Variants in GATAD2A observed in about 807,000 individuals in gnomAD.
GATAD2A encodes transcriptional repressor p66-alpha.
In GATAD2A, 12 loss-of-function variants were observed where a neutral mutation model predicts 68.5. The ratio of observed to expected loss-of-function variants is 0.18; its 90% CI spans 0.11 to 0.28. GATAD2A has a LOEUF of 0.28. GATAD2A is among the 10% of genes least tolerant of loss of function. The pLI is 1.00. For synonymous variants in GATAD2A, 410 were observed against 375.3 expected (o/e 1.09, Z -1.07); for missense variants, 755 against 868.5 (o/e 0.87, Z 1.64).
chr19:19,386,387 C>T (rs1056827997), intron 1 of GATAD2A, among the ~76,000 whole-genome samples: 12 of 151,644 alleles, frequency 7.9e-5, no homozygotes, highest in African/African-American at 2.9e-4. Flanking sequence ...GGGCCTCCCT[C>T]CTCTCCAGGA....
rs575180441 is a variant in GATAD2A, at chr19:19,431,083, A to C, written c.-7+25064A>C. Reference sequence around the variant, plus strand: ...TATCAAGGGAGCGGAAGAGTCTCTTATGAGCTGGTAATTGTGCACTTAAGG... The same window carrying C: ...TATCAAGGGAGCGGAAGAGTCTCTTCTGAGCTGGTAATTGTGCACTTAAGG... On this transcript the variant is annotated intron_variant, in intron 1 of 11. Coordinates refer to ENST00000683918, the MANE Select transcript of GATAD2A (RefSeq NM_001384528.1). Among the ~76,000 whole-genome samples the C allele has an allele frequency of 4.6e-5, 7 of 151,376 alleles. No individual in the cohort carries two copies. The South Asian group carries it at 6.3e-4, about 14-fold the overall frequency.
At chr19:19,472,094 A>G (rs1363688771) in intron 2 of GATAD2A, among the ~76,000 whole-genome samples, 1 of 152,082 alleles carries the variant, frequency 6.6e-6, no homozygotes, top group Non-Finnish European at 1.5e-5. Flanking sequence ...GATGGGGTTT[A>G]TTATGTTCCC....
At chr19:19,483,548 G>A (rs2059202388) in intron 2 of GATAD2A, among the ~76,000 whole-genome samples, 1 of 152,134 alleles carries the variant, frequency 6.6e-6, no homozygotes, top group Admixed American at 6.5e-5. Context: ...CTGGCGAGAA[G>A]CAGGTGGGCC....
At position 19,471,595 on chromosome 19, in the gene GATAD2A, G is replaced by C. The variant is rs150938498; in HGVS notation, c.269+5981G>C. On this transcript the variant is annotated intron_variant, in intron 2 of 11. Coordinates refer to ENST00000683918, the MANE Select transcript of GATAD2A (RefSeq NM_001384528.1). The stretch of plus-strand genomic sequence containing the variant: ...GGAAATATTTTAAAATTGTATCGTG[G>C]TGATGATTGCACAAATTTACTGAAA... Among the ~76,000 whole-genome samples, 800 of 152,308 alleles carry C rather than the reference G, an allele frequency of 5.3e-3. 6 individuals are homozygous for C. Among genetic ancestry groups the C allele is most frequent in the South Asian group, 0.041 (196 of 4,818 alleles).
At chr19:19,412,956 G>A (rs1267831818) in intron 1 of GATAD2A, among the ~76,000 whole-genome samples, 2 of 152,176 alleles carry the variant, frequency 1.3e-5, no homozygotes, top group African/African-American at 4.8e-5. Flanking sequence ...CCTTTGATTT[G>A]TAACAGTTTC....
At chr19:19,449,106 T>C (rs546406977) in intron 1 of GATAD2A, among the ~76,000 whole-genome samples, 2 of 152,248 alleles carry the variant, frequency 1.3e-5, no homozygotes, top group South Asian at 2.1e-4. Flanking sequence ...CCAGTTTTTT[T>C]CCCCCAGATG....
chr19:19,446,227 G>A (rs1476255502), intron 1 of GATAD2A, among the ~76,000 whole-genome samples: 1 of 152,194 alleles, frequency 6.6e-6, no homozygotes, highest in East Asian at 1.9e-4. Context: ...ATCCTAGTGG[G>A]TGTGAAGCGG....
intron 1 of GATAD2A, among the ~76,000 whole-genome samples, chr19:19,420,309 C>T (rs866896130): frequency 3.5e-5 from 5 of 143,174 alleles, no homozygotes; most frequent in Admixed American, 7.1e-5. Context: ...AGGCGAGAGC[C>T]GTCGCGCCCA....
chr19:19,468,039 T>C (rs947224162), intron 2 of GATAD2A, among the ~76,000 whole-genome samples: 3 of 152,210 alleles, frequency 2.0e-5, no homozygotes, highest in African/African-American at 7.2e-5. Context: ...ATTGGCAGAA[T>C]TGACAAAAGC....
chr19:19,463,481 G>A (rs1174457285), intron 1 of GATAD2A, among the ~76,000 whole-genome samples: 1 of 152,122 alleles, frequency 6.6e-6, no homozygotes, highest in African/African-American at 2.4e-5. Flanking sequence ...CCATTCCACG[G>A]AGGAGCTGAG....
intron 1 of GATAD2A, among the ~76,000 whole-genome samples, chr19:19,417,486 T>C (rs1273738735): frequency 6.6e-6 from 1 of 152,184 alleles, no homozygotes; most frequent in African/African-American, 2.4e-5. Flanking sequence ...AAGGGGTTCC[T>C]CTGCACGCTG....
chr19:19,455,398 G>C (rs2056833858), intron 1 of GATAD2A, among the ~76,000 whole-genome samples: 1 of 152,132 alleles, frequency 6.6e-6, no homozygotes. Flanking sequence ...GCCGAGGCAG[G>C]AGAATTGCTT....
At chr19:19,388,469 C>CT (rs1238146381) in intron 1 of GATAD2A, among the ~76,000 whole-genome samples, 3 of 152,048 alleles carry the variant, frequency 2.0e-5, no homozygotes, top group Admixed American at 6.6e-5. Context: ...ATTCTCTGGA[C>CT]TTTTATTTCG....
intron 1 of GATAD2A, among the ~76,000 whole-genome samples, chr19:19,462,067 A>AG (rs2057479073): frequency 6.6e-6 from 1 of 152,242 alleles, no homozygotes; most frequent in Non-Finnish European, 1.5e-5. Context: ...TTTGCCAGTC[A>AG]GGGTGACCTA....
intron 2 of GATAD2A, among the ~76,000 whole-genome samples, chr19:19,477,911 C>G (rs1405192266): frequency 6.6e-6 from 1 of 152,176 alleles, no homozygotes; most frequent in Non-Finnish European, 1.5e-5. Context: ...GATCCACAGC[C>G]ATAGGGCGTC....
chr19:19,492,793 A>G, intron 4 of GATAD2A, 81 bp downstream of exon 4: 2 of 1,463,546 alleles, frequency 1.4e-6, no homozygotes, highest in South Asian at 1.2e-5. Flanking sequence ...GTCAGCGGCC[A>G]GAAAGGTGAA....
chr19:19,468,190 C>T (rs78054227), intron 2 of GATAD2A, among the ~76,000 whole-genome samples: 4,024 of 152,324 alleles, frequency 0.026, 190 homozygotes, highest in African/African-American at 0.091. Context: ...TTCCTATGCC[C>T]TCTCCCATCT....
intron 1 of GATAD2A, among the ~76,000 whole-genome samples, chr19:19,440,912 CTTCCTTCCCTTTCCTTCCTTTT>C (rs1227149831): frequency 1.3e-3 from 161 of 120,308 alleles, no homozygotes; most frequent in East Asian, 0.013. Flanking sequence ...CCTTCCTTTC[CTTCCTTCCCTTTCCTTCCTTTT>C]CTTCCTTCCC....
chr19:19,435,860 G>C (rs1403830157), intron 1 of GATAD2A, among the ~76,000 whole-genome samples: 2 of 152,130 alleles, frequency 1.3e-5, no homozygotes, highest in African/African-American at 4.8e-5. Context: ...TTCATCGTGT[G>C]ACTGCTTTTT....
Sources: allele counts gnomAD v4.1 joint callset (sites outside exome capture counted in the v4.1 genomes callset), GRCh38; gene constraint gnomAD v4.1.1; transcripts MANE v1.5; gene names NCBI Gene and HGNC (gene_info 2026-07-23, HGNC 2026-07-21).